FES: variants seen among roughly 807,000 people sequenced by gnomAD.
FES encodes the protein FES proto-oncogene, tyrosine kinase, also known as tyrosine-protein kinase Fes/Fps.
In FES, 83 loss-of-function variants were observed where a neutral mutation model predicts 109.6. The ratio of observed to expected loss-of-function variants is 0.76; its 90% CI spans 0.63 to 0.91. The LOEUF (loss-of-function observed/expected upper bound fraction) is 0.91. Among genes scored for constraint, FES ranks in the 40% least tolerant of loss-of-function variants. The pLI, the probability that FES is intolerant of heterozygous loss-of-function variation, is 0.00. For missense variants in FES, 943 were observed against 1,070.9 expected, an observed-to-expected ratio of 0.88 and a Z score of 1.67; for synonymous variants, 458 against 442.1, an observed-to-expected ratio of 1.04 and a Z score of -0.45.
At position 90,892,038 on chromosome 15, in the gene FES, C is replaced by T. The variant is rs1459196417; in HGVS notation, c.1654-20C>T. 10 of 1,613,896 alleles carry T rather than the reference C, an allele frequency of 6.2e-6. No homozygotes were observed. The highest frequency in any genetic ancestry group is 1.1e-5 in the South Asian group (1 of 91,082). On this transcript the variant is annotated intron_variant, in intron 12 of 18. Coordinates refer to ENST00000328850, the MANE Select transcript of FES (RefSeq NM_002005.4). ...CCCTTTTCTTCAGACTTCTGATCCCCTGTCTCCTCTCTTCCCCAGGACAAG... is the reference window on the plus strand; with the variant it reads ...CCCTTTTCTTCAGACTTCTGATCCCTTGTCTCCTCTCTTCCCCAGGACAAG...
rs757875652 is a variant in FES at position 90,895,554 on chromosome 15, G to A, written c.2465G>A (p.Arg822Gln). ...QELQSIRKRH[R>Q] ...CTGCAGAGCATCCGAAAGCGGCATC[G>A]GTGAGGCTGGGACCCCCTTCTCAAG... Residue 822 changes from arginine (R) to glutamine (Q), a missense_variant, in exon 19 of 19, where the codon CGG becomes CAG. Physicochemically the swap from Arg to Gln is conservative, Grantham distance 43. Coordinates refer to ENST00000328850, the MANE Select transcript of FES (RefSeq NM_002005.4). 17 of 1,575,904 alleles carry A rather than the reference G, an allele frequency of 1.1e-5. No individual in the cohort carries two copies. The highest frequency in any genetic ancestry group is 5.4e-5 in the Admixed American group (3 of 55,100).
chr15:90,890,844 C>A, intron 10 of FES, 138 bp from the exon 11 acceptor site: 1 of 866,738 alleles, frequency 1.2e-6, no homozygotes, highest in Non-Finnish European at 1.8e-6. Context: ...ACTCCAGGGG[C>A]CTGTGGATGG....
At position 90,891,741 on chromosome 15, in the gene FES, C is replaced by T; in HGVS notation, c.1653+65C>T. 3 of 1,598,772 alleles carry T rather than the reference C, an allele frequency of 1.9e-6. No homozygotes were observed. The South Asian group carries it at 3.3e-5, about 18-fold the overall frequency. On this transcript the variant is annotated intron_variant, in intron 12 of 18. Coordinates refer to ENST00000328850, the MANE Select transcript of FES (RefSeq NM_002005.4). ...GGGCTTGGGGAGTGTGGGTCAGGCC[C>T]ACCCAGCGTCTGAGCAGAAAGGGCT...
At chr15:90,886,834 C>T in intron 3 of FES, 127 bp from the exon 4 acceptor site, 1 of 786,164 alleles carries the variant, frequency 1.3e-6, no homozygotes, top group Non-Finnish European at 2.1e-6. Flanking sequence ...CGTCAGCAGC[C>T]AGCTTTCCCA....
At chr15:90,884,829 A>C (rs1273788256) in intron 1 of FES, 1 of 552,682 alleles carries the variant, frequency 1.8e-6, no homozygotes, top group Admixed American at 3.2e-5. Context: ...GAACGTGCGG[A>C]GGAGACCCTG....
chr15:90,890,953 T>A, intron 10 of FES, 29 bp from the exon 11 acceptor site: 1 of 1,551,090 alleles, frequency 6.4e-7, no homozygotes, highest in African/African-American at 1.4e-5. Context: ...GGTGGTTAAG[T>A]GACTCCTCCT....
At chr15:90,891,368 A>T in intron 11 of FES, 177 bp downstream of exon 11, 1 of 1,047,790 alleles carries the variant, frequency 9.5e-7, no homozygotes, top group Non-Finnish European at 1.4e-6. Flanking sequence ...ATAGAGGCTT[A>T]AGTGTGAGTC....
At chr15:90,891,514 C>G (rs760728170) in intron 11 of FES, 40 bp from the exon 12 acceptor site, 57 of 1,612,126 alleles carry the variant, frequency 3.5e-5, no homozygotes, top group Non-Finnish European at 4.5e-5. Flanking sequence ...CACGCCCCCT[C>G]AGAATGGAGG....
In FES at chr15:90,889,261, C is replaced by T. The variant is rs147351273; in HGVS notation, c.669-45C>T. The T allele has an allele frequency of 6.2e-6, 10 of 1,606,990 alleles. No homozygotes were observed. The African/African-American group carries it at 1.3e-4, about 21-fold the overall frequency. On this transcript the variant is annotated intron_variant, in intron 5 of 18. Transcript: ENST00000328850. This position sits in a 1 kb window ranked among gnomAD's most constrained non-coding sequence, Gnocchi z 6.1. ...CCTAGGCCTGAACTGCCCAGCCTTG[C>T]CCAGCCTGAGGCTCCCCTGACTGGG...
rs905647604 is a variant in FES, at chr15:90,887,013, G to A, written c.440G>A (p.Arg147Gln). 4.3e-6 allele frequency: 7 copies of A among 1,614,024 alleles called. No individual in the cohort carries two copies. The highest frequency in any genetic ancestry group is 1.6e-4 in the Middle Eastern group (1 of 6,084). ...KLKSQYRALA[R>Q]DSAQAKRKYQ... The stretch of plus-strand genomic sequence containing the variant: ...AAGAGCCAGTACCGAGCTCTGGCAC[G>A]GGACAGTGCCCAAGCCAAGCGCAAG... The change falls in exon 4 of 19, where the codon CGG (arginine) becomes CAG (glutamine). Residue 147 changes from arginine (R) to glutamine (Q), a missense_variant. Physicochemically the swap from Arg to Gln is conservative, Grantham distance 43. Coordinates refer to ENST00000328850, the MANE Select transcript of FES (RefSeq NM_002005.4).
rs1306696262 is a variant in FES at position 90,895,522 on chromosome 15, C to T, written c.2433C>T (p.Tyr811=). The T allele has an allele frequency of 6.3e-7, 1 of 1,597,752 alleles. No individual in the cohort carries two copies. Among genetic ancestry groups the T allele is most frequent in the African/African-American group, 1.3e-5 (1 of 74,352 alleles). The change falls in exon 19 of 19, where the codon TAC becomes TAT. Residue 811 remains tyrosine (Y), a synonymous_variant. Coordinates refer to ENST00000328850, the MANE Select transcript of FES (RefSeq NM_002005.4). ...AGCGGCCCAGCTTCAGCACCATCTA[C>T]CAGGAGCTGCAGAGCATCCGAAAGC... ...PGQRPSFSTI[Y]QELQSIRKRH... is the part of the protein sequence containing the mutation.
At chr15:90,887,827 G>A (rs563651772) in intron 5 of FES, among the ~76,000 whole-genome samples, 1 of 152,374 alleles carries the variant, frequency 6.6e-6, no homozygotes, top group Non-Finnish European at 1.5e-5. Flanking sequence ...AGGCCCCTGA[G>A]AGGGGTACGG....
Position 90,887,237 on chromosome 15 carries a change from C to A in FES, c.535C>A (p.Leu179Ile), listed in dbSNP as rs759344901. 1 of 1,613,594 alleles carries A rather than the reference C, an allele frequency of 6.2e-7. No individual in the cohort carries two copies. The highest frequency in any genetic ancestry group is 1.1e-5 in the South Asian group (1 of 91,090). ...KDKYVRSLWK[L>I]FAHHNRYVLG... ...CAAGTATGTGCGCAGCCTGTGGAAG[C>A]TCTTTGCTCACCACAACCGCTATGT... The change falls in exon 5 of 19, where the codon CTC (leucine) becomes ATC (isoleucine). Residue 179 changes from leucine (L) to isoleucine (I), a missense_variant. Coordinates refer to ENST00000328850, the MANE Select transcript of FES (RefSeq NM_002005.4).
At chr15:90,887,555 G>T (rs2032773229) in intron 5 of FES, among the ~76,000 whole-genome samples, 185 bp downstream of exon 5, 1 of 152,226 alleles carries the variant, frequency 6.6e-6, no homozygotes, top group African/African-American at 2.4e-5. Flanking sequence ...CTATTCCAGG[G>T]TCTCATTATT....
chr15:90,895,515 C>A lies in FES; in HGVS notation c.2426C>A (p.Thr809Asn). The change falls in exon 19 of 19, where the codon ACC becomes AAC. Residue 809 changes from threonine (T) to asparagine (N), a missense_variant. Coordinates refer to ENST00000328850, the MANE Select transcript of FES (RefSeq NM_002005.4). Reference sequence around the variant, plus strand: ...CCTGGGCAGCGGCCCAGCTTCAGCACCATCTACCAGGAGCTGCAGAGCATC... The same window carrying A: ...CCTGGGCAGCGGCCCAGCTTCAGCAACATCTACCAGGAGCTGCAGAGCATC... ...YEPGQRPSFS[T>N]IYQELQSIRK... 6.2e-7 allele frequency: 1 copy of A among 1,600,128 alleles called. No homozygotes were observed. The highest frequency in any genetic ancestry group is 8.5e-7 in the Non-Finnish European group (1 of 1,172,618).
chr15:90,891,945 G>T, intron 12 of FES, 113 bp from the exon 13 acceptor site: 1 of 1,219,038 alleles, frequency 8.2e-7, no homozygotes, highest in Non-Finnish European at 1.1e-6. Context: ...TCCCCACGTG[G>T]TCCCACCCCT....
At chr15:90,886,638 C>G (rs1567092916) in intron 3 of FES, among the ~76,000 whole-genome samples, 1 of 152,210 alleles carries the variant, frequency 6.6e-6, no homozygotes, top group Admixed American at 6.5e-5. Context: ...AGAATGAAAC[C>G]AAGCACAGGG....
intron 18 of FES, 37 bp downstream of exon 18, chr15:90,894,095 C>T (rs2033491149): frequency 2.5e-6 from 4 of 1,608,556 alleles, no homozygotes; most frequent in Non-Finnish European, 3.4e-6. Context: ...TCAGGCTGCA[C>T]CCTCTTCCAG....
rs150368976 is a variant in FES at position 90,890,876 on chromosome 15, T to A, written c.1321-106T>A. 3.9e-4 allele frequency: 446 copies of A among 1,153,746 alleles called. 3 individuals are homozygous for A. In the African/African-American group the frequency reaches 5.5e-3, roughly 14 times the overall value. 71.5% of individuals were successfully genotyped at this position (1,153,746 alleles called of 1,614,324 possible). On this transcript the variant is annotated intron_variant, in intron 10 of 18. Coordinates refer to ENST00000328850, the MANE Select transcript of FES (RefSeq NM_002005.4). ...ATGGCTCTGCATGCCACTCCATGGT[T>A]GTAAGGGCTGAGGGCATATAGGGGG...
Sources: gnomAD v4.1 joint callset for allele counts (sites outside exome capture counted in the v4.1 genomes callset) on GRCh38, gnomAD v4.1.1 for gene constraint, Gnocchi (gnomAD v3.1) non-coding constraint, MANE v1.5 for transcripts, NCBI Gene and HGNC (gene_info 2026-07-23, HGNC 2026-07-21) for gene names.